The following NELL1 variants were observed in gnomAD, a reference collection of about 807,000 sequenced individuals.
The protein encoded by NELL1 is neural EGFL like 1.
Under a neutral mutation model 107.4 loss-of-function variants are expected in NELL1, and 76 were observed. The observed-to-expected ratio is 0.71, with a 90% CI of 0.59 to 0.86. NELL1 has a LOEUF of 0.86. NELL1 is among the 40% of genes least tolerant of loss of function. The probability of loss-of-function intolerance (pLI) is 0.00; values close to 1 mark genes in which losing one functional copy is unlikely to be tolerated. For missense variants in NELL1, 1,024 were observed against 1,005.5 expected, an observed-to-expected ratio of 1.02 and a Z score of -0.25; for synonymous variants, 353 against 341.2, an observed-to-expected ratio of 1.03 and a Z score of -0.38.
intron 12 of NELL1, among the ~76,000 whole-genome samples, chr11:21,082,237 A>G (rs1388044776): frequency 1.3e-5 from 2 of 152,192 alleles, no homozygotes; most frequent in African/African-American, 4.8e-5. Context: ...ATTCAGGTGA[A>G]CAGGATTTTA....
At chr11:21,275,574 A>G (rs1422090285) in intron 14 of NELL1, among the ~76,000 whole-genome samples, 1 of 152,236 alleles carries the variant, frequency 6.6e-6, no homozygotes, top group Non-Finnish European at 1.5e-5. Context: ...TCCTGATACC[A>G]AAGCCTGGCA....
At chr11:21,135,650 T>C (rs1050242028) in intron 13 of NELL1, among the ~76,000 whole-genome samples, 2 of 152,200 alleles carry the variant, frequency 1.3e-5, no homozygotes, top group Admixed American at 6.5e-5. Context: ...GAGGGATATG[T>C]GAGCTAAGAA....
At chr11:21,535,119 C>A (rs1591015025) in intron 16 of NELL1, among the ~76,000 whole-genome samples, 1 of 152,282 alleles carries the variant, frequency 6.6e-6, no homozygotes. Flanking sequence ...CTTGAAAAGT[C>A]TGCTTTATTG....
chr11:20,817,297 T>C (rs1590322428), intron 3 of NELL1, among the ~76,000 whole-genome samples: 1 of 152,124 alleles, frequency 6.6e-6, no homozygotes, highest in South Asian at 2.1e-4. Flanking sequence ...GTAATTTTTT[T>C]ACTGACTAAA....
At chr11:20,913,406 T>C (rs1007313989) in intron 5 of NELL1, among the ~76,000 whole-genome samples, 1 of 152,174 alleles carries the variant, frequency 6.6e-6, no homozygotes, top group Non-Finnish European at 1.5e-5. Flanking sequence ...CAGAAAGCTC[T>C]GCATGTTTAG....
intron 15 of NELL1, among the ~76,000 whole-genome samples, chr11:21,382,609 A>T (rs1464301212): frequency 6.6e-6 from 1 of 151,926 alleles, no homozygotes; most frequent in Non-Finnish European, 1.5e-5. Context: ...ATTAACAAGA[A>T]TAGAATAGAA....
chr11:21,511,885 G>A (rs1178218544), intron 15 of NELL1, among the ~76,000 whole-genome samples: 1 of 152,114 alleles, frequency 6.6e-6, no homozygotes, highest in Non-Finnish European at 1.5e-5. Flanking sequence ...AAACACAATA[G>A]AACCCACATA....
In NELL1 at chr11:20,731,986, A is replaced by C. The variant is rs147155578; in HGVS notation, c.185-51694A>C. On this transcript the variant is annotated intron_variant, in intron 2 of 19. Coordinates refer to ENST00000357134, the MANE Select transcript of NELL1 (RefSeq NM_006157.5). ...AATCACTGGTGTGCTCTCTAAACCA[A>C]CTTTTCTAGAGAAGCATTTCACAAT... is the stretch of plus-strand genomic sequence containing the variant. 3.0e-4 allele frequency among the ~76,000 whole-genome samples: 46 copies of C among 152,264 alleles called. No homozygotes were observed. The South Asian group carries it at 6.4e-3, about 21-fold the overall frequency.
chr11:21,021,431 G>A (rs1852698522), intron 12 of NELL1, among the ~76,000 whole-genome samples: 1 of 152,044 alleles, frequency 6.6e-6, no homozygotes, highest in Non-Finnish European at 1.5e-5. Context: ...AGGAACTTTG[G>A]TTCCCCCAAA....
chr11:21,487,759 T>C (rs1854675595), intron 15 of NELL1, among the ~76,000 whole-genome samples: 1 of 152,092 alleles, frequency 6.6e-6, no homozygotes. Flanking sequence ...AAAGCTATAA[T>C]CCAACTATAT....
At chr11:21,412,462 G>T (rs1442459094) in intron 15 of NELL1, among the ~76,000 whole-genome samples, 1 of 152,076 alleles carries the variant, frequency 6.6e-6, no homozygotes, top group Non-Finnish European at 1.5e-5. Flanking sequence ...TATAGGCAAA[G>T]AAACTGAAAC....
rs1326766067 is a variant in NELL1, at chr11:20,783,927, C to T, written c.335+97C>T. 5.1e-6 allele frequency: 6 copies of T among 1,184,346 alleles called. No homozygotes were observed. The Admixed American group carries it at 1.4e-4, about 28-fold the overall frequency. The allele number at this position is 1,184,346 out of a possible 1,614,324, so 73.4% of individuals were successfully genotyped here. On this transcript the variant is annotated intron_variant, in intron 3 of 19. Transcript: ENST00000357134. ...GAGTTTGTAGCCCCATGAAAACTTT[C>T]ATCTAACTGAGGCCTCATTTCTGTT...
intron 12 of NELL1, among the ~76,000 whole-genome samples, chr11:21,110,811 A>G (rs1235954675): frequency 1.3e-5 from 2 of 152,126 alleles, no homozygotes; most frequent in African/African-American, 2.4e-5. Flanking sequence ...GCTCCAATCA[A>G]TTCTCTTCAC....
chr11:20,961,978 C>A (rs1240918265), intron 12 of NELL1, among the ~76,000 whole-genome samples: 1 of 151,806 alleles, frequency 6.6e-6, no homozygotes, highest in Non-Finnish European at 1.5e-5. Context: ...TTTTTCATTT[C>A]TTCTGGAAGA....
At chr11:20,796,275 T>C (rs1338957146) in intron 3 of NELL1, among the ~76,000 whole-genome samples, 1 of 152,232 alleles carries the variant, frequency 6.6e-6, no homozygotes, top group Non-Finnish European at 1.5e-5. Flanking sequence ...AAAGCATGTT[T>C]ACCTTCTTAA....
chr11:20,690,441 T>C (rs1854432517), intron 2 of NELL1, among the ~76,000 whole-genome samples: 1 of 152,122 alleles, frequency 6.6e-6, no homozygotes, highest in Non-Finnish European at 1.5e-5. Context: ...CTTTAATCCA[T>C]CTTGAATTAA....
intron 12 of NELL1, among the ~76,000 whole-genome samples, chr11:20,991,979 C>T (rs1851983884): frequency 8.5e-6 from 1 of 118,302 alleles, no homozygotes; most frequent in African/African-American, 3.5e-5. Context: ...CTTTCAAAGC[C>T]AGTGTAGCAT....
intron 16 of NELL1, among the ~76,000 whole-genome samples, chr11:21,547,556 TCA>T (rs1183677470): frequency 1.3e-5 from 2 of 151,926 alleles, no homozygotes; most frequent in Non-Finnish European, 2.9e-5. Flanking sequence ...TGTAAAGAAG[TCA>T]CAATTTTTAA....
chr11:21,032,758 T>C lies in NELL1; in HGVS notation c.1300+72198T>C, dbSNP rs1015047361. ...CTTTTTCCAGACTTTTAGTTCTAAT[T>C]TGTTTTGTTACTACCGAAATCAATT... On this transcript the variant is annotated intron_variant, in intron 12 of 19. Transcript: ENST00000357134. Among the ~76,000 whole-genome samples the C allele has an allele frequency of 6.6e-5, 10 of 152,202 alleles. No individual in the cohort carries two copies. In the East Asian group the frequency reaches 1.9e-3, roughly 29 times the overall value.
Sources: allele counts gnomAD v4.1 joint callset (sites outside exome capture counted in the v4.1 genomes callset), GRCh38; gene constraint gnomAD v4.1.1; transcripts MANE v1.5; gene names NCBI Gene and HGNC (gene_info 2026-07-23, HGNC 2026-07-21).